KCNIP1: variants seen among roughly 807,000 people sequenced by gnomAD.
The protein encoded by KCNIP1 is A-type potassium channel modulatory protein KCNIP1.
Under a neutral mutation model 33.0 loss-of-function variants are expected in KCNIP1, and 18 were observed. That is an observed-to-expected ratio of 0.55 (90% CI 0.38 to 0.81). The LOEUF (loss-of-function observed/expected upper bound fraction) is 0.81, where lower values mean the gene tolerates loss of function less well. Among genes scored for constraint, KCNIP1 ranks in the 30% least tolerant of loss-of-function variants. KCNIP1 has a pLI of 0.00. For missense variants in KCNIP1, 238 were observed against 271.6 expected, an observed-to-expected ratio of 0.88 and a Z score of 0.87; for synonymous variants, 93 against 98.3, an observed-to-expected ratio of 0.95 and a Z score of 0.32.
At chr5:170,601,796 C>T (rs555564068) in intron 1 of KCNIP1, among the ~76,000 whole-genome samples, 48 of 152,308 alleles carry the variant, frequency 3.2e-4, no homozygotes, top group African/African-American at 1.2e-3. Flanking sequence ...ACGGAGGCAT[C>T]GAGCATGGTA....
At position 170,736,137 on chromosome 5, in the gene KCNIP1, C is replaced by T. The variant is rs897850728; in HGVS notation, c.*331C>T. 5 of 247,280 alleles carry T rather than the reference C, an allele frequency of 2.0e-5. No homozygotes were observed. Among genetic ancestry groups the T allele is most frequent in the Admixed American group, 5.2e-5 (1 of 19,118 alleles). The allele number at this position is 247,280 out of a possible 1,614,324, so 15.3% of individuals were successfully genotyped here. A position where few individuals can be genotyped will look rare whatever the true frequency, so the allele number is the denominator to read the frequency against. ...AGTAGTGCACAAAATATGCTGCTTA[C>T]GTGCCCCCAGCCCACTGCCTCCAAG... On this transcript the variant is annotated 3_prime_UTR_variant, in exon 8 of 8. Transcript: ENST00000328939.
chr5:170,538,115 C>T (rs1041898051), intron 1 of KCNIP1, among the ~76,000 whole-genome samples: 2 of 152,294 alleles, frequency 1.3e-5, no homozygotes, highest in African/African-American at 4.8e-5. Context: ...AACTGAGGCT[C>T]TGAGAAGGTT....
At chr5:170,576,930 G>A (rs1164375859) in intron 1 of KCNIP1, among the ~76,000 whole-genome samples, 3 of 152,164 alleles carry the variant, frequency 2.0e-5, no homozygotes, top group East Asian at 1.9e-4. Flanking sequence ...TGGTCGATTC[G>A]TCTTTTCAAA....
chr5:170,368,009 G>C (rs1178573999), intron 1 of KCNIP1, among the ~76,000 whole-genome samples: 5 of 152,074 alleles, frequency 3.3e-5, no homozygotes, highest in Admixed American at 2.6e-4. Context: ...AATAAATTTT[G>C]GTTCATCTGT....
At chr5:170,386,820 C>T (rs1764493292) in intron 1 of KCNIP1, among the ~76,000 whole-genome samples, 5 of 152,204 alleles carry the variant, frequency 3.3e-5, no homozygotes, top group Admixed American at 3.3e-4. Context: ...TGGGCACATT[C>T]TGCTGGTGGT....
intron 1 of KCNIP1, among the ~76,000 whole-genome samples, chr5:170,472,077 T>C (rs76220783): frequency 0.089 from 13,490 of 152,106 alleles, 701 homozygotes; most frequent in East Asian, 0.26. Flanking sequence ...CTCCAGACGC[T>C]GAGGATGGGA....
chr5:170,611,074 G>A (rs1365305673), intron 1 of KCNIP1, among the ~76,000 whole-genome samples: 1 of 152,216 alleles, frequency 6.6e-6, no homozygotes, highest in Non-Finnish European at 1.5e-5. Context: ...TTGATTCCAG[G>A]CCTTCTGGCT....
intron 1 of KCNIP1, among the ~76,000 whole-genome samples, chr5:170,555,655 G>A (rs1360127000): frequency 6.6e-6 from 1 of 152,160 alleles, no homozygotes; most frequent in Non-Finnish European, 1.5e-5. Flanking sequence ...CATGTCAGGA[G>A]CAAGTGCTTT....
At chr5:170,499,331 C>T (rs542873911), upstream of KCNIP1, among the ~76,000 whole-genome samples, 27 of 152,276 alleles carry the variant, frequency 1.8e-4, no homozygotes, top group African/African-American at 6.5e-4. Flanking sequence ...GATGTCTGGC[C>T]CACAGCAACA....
Position 170,504,615 on chromosome 5 carries a change from C to T in KCNIP1, c.43C>T (p.Gln15Ter), listed in dbSNP as rs771131260. 6.2e-7 allele frequency: 1 copy of T among 1,613,842 alleles called. No individual in the cohort carries two copies. Among genetic ancestry groups the T allele is most frequent in the East Asian group, 2.2e-5 (1 of 44,862 alleles). The change falls in exon 1 of 8, where the codon CAA becomes TAA. Residue 15 changes from glutamine to a stop codon, truncating the protein, a stop_gained. Coordinates refer to ENST00000328939, the MANE Select transcript of KCNIP1 (RefSeq NM_014592.4). LOFTEE classifies it high-confidence loss of function. The surrounding 1 kb of genome is among the most constrained non-coding windows in gnomAD (Gnocchi z 6.0). ...MGTFSSLQTK[Q>*]RRPSKDKIED... is the part of the protein sequence containing the mutation. ...CACCTTCTCATCTCTGCAAACCAAA[C>T]AAAGGCGACCCTCGAAAGGTAAGCC...
chr5:170,473,129 GGA>G (rs1270905347), intron 1 of KCNIP1, among the ~76,000 whole-genome samples: 2 of 152,146 alleles, frequency 1.3e-5, no homozygotes, highest in African/African-American at 4.8e-5. Context: ...CATTCTTACA[GGA>G]GTGAGGTGGT....
Position 170,688,873 on chromosome 5 carries a change from G to GT in KCNIP1, c.62-29884dup, listed in dbSNP as rs543898308. On this transcript the variant is annotated intron_variant, in intron 1 of 7. Transcript: ENST00000328939. Reference sequence around the variant, plus strand: ...CCTATGGAAGCACACTACCTGTGTTGTGGTCATATAGATCATCACCTGGCT... The same window carrying GT: ...CCTATGGAAGCACACTACCTGTGTTGTTGGTCATATAGATCATCACCTGGCT... Among the ~76,000 whole-genome samples the GT allele has an allele frequency of 2.7e-3, 412 of 152,186 alleles. 1 individual carries two copies. The highest frequency in any genetic ancestry group is 9.4e-3 in the African/African-American group (391 of 41,526).
At chr5:170,472,165 C>A (rs1432479930) in intron 1 of KCNIP1, among the ~76,000 whole-genome samples, 1 of 152,214 alleles carries the variant, frequency 6.6e-6, no homozygotes. Flanking sequence ...TCAGACCCTG[C>A]TGAAGGAAGG....
At chr5:170,468,600 G>T (rs1199381107) in intron 1 of KCNIP1, among the ~76,000 whole-genome samples, 1 of 152,072 alleles carries the variant, frequency 6.6e-6, no homozygotes, top group South Asian at 2.1e-4. Context: ...ATATCATTAG[G>T]CCAGGTGCAG....
chr5:170,381,120 C>T (rs1170945304), intron 1 of KCNIP1, among the ~76,000 whole-genome samples: 1 of 152,214 alleles, frequency 6.6e-6, no homozygotes, highest in Non-Finnish European at 1.5e-5. Context: ...CTAGTGTATC[C>T]TCTGCCTGCT....
intron 1 of KCNIP1, among the ~76,000 whole-genome samples, chr5:170,531,812 C>T (rs1380608631): frequency 6.7e-6 from 1 of 149,088 alleles, no homozygotes; most frequent in African/African-American, 2.5e-5. Context: ...CTGTCCTAAG[C>T]CCCACCCTTC....
intron 1 of KCNIP1, among the ~76,000 whole-genome samples, chr5:170,509,037 A>G (rs966139067): frequency 2.0e-5 from 3 of 152,186 alleles, no homozygotes; most frequent in Non-Finnish European, 4.4e-5. Flanking sequence ...AGAGTAAACT[A>G]TAAATAATGG....
intron 1 of KCNIP1, among the ~76,000 whole-genome samples, chr5:170,444,401 G>A (rs74791576): frequency 0.024 from 3,581 of 152,216 alleles, 96 homozygotes; most frequent in African/African-American, 0.06. Context: ...TATGTCATTT[G>A]TCAAGACCCA....
At chr5:170,406,728 C>T (rs979637522) in intron 1 of KCNIP1, among the ~76,000 whole-genome samples, 1 of 152,184 alleles carries the variant, frequency 6.6e-6, no homozygotes. Context: ...CTCTTAGGCT[C>T]CTTCCTCATT....
Sources: allele counts gnomAD v4.1 joint callset (sites outside exome capture counted in the v4.1 genomes callset), GRCh38; gene constraint gnomAD v4.1.1; non-coding constraint Gnocchi (gnomAD v3.1); transcripts MANE v1.5; gene names NCBI Gene and HGNC (gene_info 2026-07-23, HGNC 2026-07-21).